SGCZ: variants seen among roughly 807,000 people sequenced by gnomAD.
The protein encoded by SGCZ is sarcoglycan zeta, also known as zeta-sarcoglycan.
A neutral mutation model predicts 41.3 loss-of-function variants in SGCZ; 40 were observed. That is an observed-to-expected ratio of 0.97 (90% confidence interval 0.75 to 1.26). The LOEUF is 1.26. Among genes scored for constraint, SGCZ ranks in the 50% most tolerant of loss-of-function variants. The pLI, the probability that SGCZ is intolerant of heterozygous loss-of-function variation, is 0.00. For synonymous variants in SGCZ, 206 were observed against 137.5 expected (o/e 1.50, Z -3.49); for missense variants, 552 against 369.8 (o/e 1.49, Z -4.04).
intron 3 of SGCZ, among the ~76,000 whole-genome samples, chr8:14,283,173 C>CTTT (rs1800508117): frequency 7.1e-6 from 1 of 141,124 alleles, no homozygotes; most frequent in Non-Finnish European, 1.6e-5. Context: ...CCAGCTCTCT[C>CTTT]CTTCTCTTGT....
chr8:14,175,565 A>T (rs11781453), intron 4 of SGCZ, among the ~76,000 whole-genome samples: 47,090 of 152,002 alleles, frequency 0.31, 8,030 homozygotes, highest in East Asian at 0.7. Context: ...GGTAAATCAA[A>T]TTTTTACTTT....
intron 1 of SGCZ, among the ~76,000 whole-genome samples, chr8:14,677,351 C>A (rs373999690): frequency 6.6e-6 from 1 of 152,250 alleles, no homozygotes; most frequent in African/African-American, 2.4e-5. Flanking sequence ...TAGGAACACT[C>A]AATATTGTCA....
At chr8:14,203,538 A>G (rs1336887593) in intron 4 of SGCZ, among the ~76,000 whole-genome samples, 7 of 152,170 alleles carry the variant, frequency 4.6e-5, no homozygotes, top group Non-Finnish European at 1.0e-4. Flanking sequence ...ATGTGCTCCT[A>G]AATTTCATCT....
rs188927167 is a variant in SGCZ at position 14,795,945 on chromosome 8, G to A, written c.40-241019C>T. On this transcript the variant is annotated intron_variant, in intron 1 of 7. Transcript: ENST00000382080. ...GTAGTATTTGGTTTTCTGTTCCTGT[G>A]TTAGTTTTCTAAGGATAATGGCCTC... 2.8e-3 allele frequency among the ~76,000 whole-genome samples: 432 copies of A among 152,194 alleles called. 2 individuals carry two copies. The highest frequency in any genetic ancestry group is 9.9e-3 in the African/African-American group (410 of 41,534).
chr8:14,109,573 G>A (rs767943315), intron 5 of SGCZ, among the ~76,000 whole-genome samples: 1 of 152,042 alleles, frequency 6.6e-6, no homozygotes, highest in Non-Finnish European at 1.5e-5. Flanking sequence ...TGTATTTGAA[G>A]CATACAAAAC....
chr8:15,092,028 A>G (rs1235099646), intron 1 of SGCZ, among the ~76,000 whole-genome samples: 2 of 152,306 alleles, frequency 1.3e-5, no homozygotes, highest in African/African-American at 2.4e-5. Context: ...TCCTGGAATT[A>G]TAGGATGAGG....
At chr8:15,006,594 C>A (rs1430046850) in intron 1 of SGCZ, among the ~76,000 whole-genome samples, 1 of 152,022 alleles carries the variant, frequency 6.6e-6, no homozygotes, top group South Asian at 2.1e-4. Flanking sequence ...CAAAAGTCCC[C>A]CAAAATGTTA....
At chr8:14,803,525 T>G (rs556064029) in intron 1 of SGCZ, among the ~76,000 whole-genome samples, 338 of 152,214 alleles carry the variant, frequency 2.2e-3, no homozygotes, top group African/African-American at 7.2e-3. Context: ...TCCGATGGGC[T>G]TAAAAAACGG....
Position 15,161,097 on chromosome 8 carries a change from G to T in SGCZ, c.39+76488C>A, listed in dbSNP as rs1441151949. ...CTTGCAGTGGCCTCTCAAATCCTTA[G>T]GTGATCTGGTTCCCTGCTCCCTCTC... On this transcript the variant is annotated intron_variant, in intron 1 of 7. Coordinates refer to ENST00000382080, the MANE Select transcript of SGCZ (RefSeq NM_139167.4). Among the ~76,000 whole-genome samples the T allele has an allele frequency of 2.0e-5, 3 of 151,956 alleles. No individual in the cohort carries two copies. The East Asian group carries it at 5.8e-4, about 29-fold the overall frequency.
At chr8:14,895,836 A>G (rs1364268246) in intron 1 of SGCZ, among the ~76,000 whole-genome samples, 1 of 152,204 alleles carries the variant, frequency 6.6e-6, no homozygotes, top group Non-Finnish European at 1.5e-5. Context: ...GCTGAGCCTC[A>G]CTGCTGGAGA....
intron 1 of SGCZ, among the ~76,000 whole-genome samples, chr8:14,764,067 C>A (rs1222204607): frequency 1.3e-5 from 2 of 152,066 alleles, no homozygotes; most frequent in Non-Finnish European, 2.9e-5. Context: ...ATAAGAACAG[C>A]ATTTTATTTT....
At chr8:14,107,211 A>G (rs111356123) in intron 6 of SGCZ, among the ~76,000 whole-genome samples, 2,748 of 149,580 alleles carry the variant, frequency 0.018, 97 homozygotes, top group African/African-American at 0.064. Flanking sequence ...ACGAGACTCC[A>G]TCTCAAAAAT....
intron 2 of SGCZ, among the ~76,000 whole-genome samples, chr8:14,428,163 C>T (rs1585497754): frequency 7.0e-6 from 1 of 142,664 alleles, no homozygotes; most frequent in Non-Finnish European, 1.6e-5. Flanking sequence ...CACACACACA[C>T]ATACACACAT....
chr8:14,770,346 T>C (rs1441709711), intron 1 of SGCZ, among the ~76,000 whole-genome samples: 4 of 151,550 alleles, frequency 2.6e-5, no homozygotes, highest in Non-Finnish European at 5.9e-5. Flanking sequence ...TAATAGTTCG[T>C]CAAGCAATAT....
chr8:14,226,324 C>G (rs1806371818), intron 4 of SGCZ, among the ~76,000 whole-genome samples: 1 of 152,050 alleles, frequency 6.6e-6, no homozygotes. Flanking sequence ...GTAATCATTA[C>G]TACAGTCAAA....
intron 2 of SGCZ, among the ~76,000 whole-genome samples, chr8:14,502,673 T>C (rs1310819399): frequency 6.6e-6 from 1 of 152,132 alleles, no homozygotes; most frequent in Non-Finnish European, 1.5e-5. Context: ...AAAGAAGACA[T>C]TTATGCGGCC....
At chr8:15,040,544 G>A (rs749939350) in intron 1 of SGCZ, among the ~76,000 whole-genome samples, 10 of 152,108 alleles carry the variant, frequency 6.6e-5, no homozygotes, top group Non-Finnish European at 1.3e-4. Flanking sequence ...TTGTAACCGG[G>A]AGGCGGAGGT....
intron 2 of SGCZ, among the ~76,000 whole-genome samples, chr8:14,342,871 C>T (rs756705445): frequency 3.9e-5 from 6 of 152,170 alleles, no homozygotes; most frequent in Admixed American, 6.5e-5. Flanking sequence ...CGACCTTCAC[C>T]GAAGGCCCTC....
chr8:14,554,157 C>T (rs1169265305), intron 2 of SGCZ, among the ~76,000 whole-genome samples: 1 of 151,940 alleles, frequency 6.6e-6, no homozygotes, highest in Non-Finnish European at 1.5e-5. Flanking sequence ...GATTTAATTG[C>T]TGGTTTATCT....
Sources: allele counts gnomAD v4.1 joint callset (sites outside exome capture counted in the v4.1 genomes callset), GRCh38; gene constraint gnomAD v4.1.1; transcripts MANE v1.5; gene names NCBI Gene and HGNC (gene_info 2026-07-23, HGNC 2026-07-21).